The following RCAN2 variants were observed in gnomAD, a reference collection of about 807,000 sequenced individuals.
RCAN2 encodes the protein regulator of calcineurin 2, also known as calcipressin-2.
A neutral mutation model predicts 23.6 loss-of-function variants in RCAN2; 9 were observed. The ratio of observed to expected loss-of-function variants is 0.38; its 90% CI spans 0.23 to 0.67. RCAN2 has a LOEUF of 0.67. RCAN2 is among the 30% of genes least tolerant of loss of function. The pLI is 0.51. For synonymous variants in RCAN2, 109 were observed against 115.7 expected (o/e 0.94, Z 0.37); for missense variants, 273 against 302.3 (o/e 0.90, Z 0.72).
intron 2 of RCAN2, among the ~76,000 whole-genome samples, chr6:46,336,634 A>G (rs781122898): frequency 7.2e-5 from 11 of 152,226 alleles, no homozygotes; most frequent in Non-Finnish European, 1.2e-4. Context: ...ATGGCCGCAT[A>G]GCTGAGGACT....
intron 2 of RCAN2, among the ~76,000 whole-genome samples, chr6:46,302,865 G>T (rs1337495190): frequency 6.6e-6 from 1 of 152,010 alleles, no homozygotes; most frequent in African/African-American, 2.4e-5. Flanking sequence ...TTTTATGGAT[G>T]ATAAAATTGA....
At chr6:46,366,469 T>C (rs1765174824) in intron 2 of RCAN2, among the ~76,000 whole-genome samples, 1 of 152,108 alleles carries the variant, frequency 6.6e-6, no homozygotes, top group African/African-American at 2.4e-5. Context: ...GTGACAAGGA[T>C]TCTCTCCTTG....
chr6:46,456,717 T>C (rs1461913186), intron 2 of RCAN2, 35 bp downstream of exon 2: 1 of 1,409,954 alleles, frequency 7.1e-7, no homozygotes, highest in Non-Finnish European at 9.8e-7. Flanking sequence ...ATGCCATATC[T>C]CCCCATGTTT....
chr6:46,423,569 G>T (rs1038406590), intron 2 of RCAN2, among the ~76,000 whole-genome samples: 3 of 152,036 alleles, frequency 2.0e-5, no homozygotes, highest in African/African-American at 7.3e-5. Context: ...CAATACTCAG[G>T]GTTTCACCTT....
Position 46,456,843 on chromosome 6 carries a change from G to T in RCAN2, c.134C>A (p.Ala45Asp), listed in dbSNP as rs866271669. Residue 45 changes from alanine to aspartate, a missense_variant, in exon 2 of 5, where the codon GCC becomes GAC. Ala to Asp is a moderately radical substitution (Grantham distance 126). Transcript: ENST00000371374. ...ATTGAAGTCAGTGATTGCTTGAAAG[G>T]CTTCTTCTGCAAAACAACGAGTGAC... is the stretch of plus-strand genomic sequence containing the variant. ...WAVTRCFAEE[A>D]FQAITDFNDL... 32 of 1,550,556 alleles carry T rather than the reference G, an allele frequency of 2.1e-5. No individual in the cohort carries two copies. Among genetic ancestry groups the T allele is most frequent in the Non-Finnish European group, 2.7e-5 (31 of 1,146,962 alleles).
intron 2 of RCAN2, among the ~76,000 whole-genome samples, chr6:46,372,621 T>C (rs566732818): frequency 5.9e-5 from 9 of 152,344 alleles, no homozygotes; most frequent in Non-Finnish European, 1.3e-4. Flanking sequence ...TATAAATTGC[T>C]AAGTGCTCAG....
intron 2 of RCAN2, among the ~76,000 whole-genome samples, chr6:46,400,465 G>T (rs1265074313): frequency 6.6e-6 from 1 of 152,062 alleles, no homozygotes; most frequent in African/African-American, 2.4e-5. Context: ...CCTTCCCCAG[G>T]ATCTGGCTAG....
intron 2 of RCAN2, among the ~76,000 whole-genome samples, chr6:46,384,219 G>A (rs753731115): frequency 2.6e-5 from 4 of 152,102 alleles, no homozygotes; most frequent in African/African-American, 4.8e-5. Flanking sequence ...CATCTGCTTC[G>A]CCATTGCCTG....
intron 2 of RCAN2, among the ~76,000 whole-genome samples, chr6:46,292,450 G>A (rs1331220897): frequency 6.0e-5 from 4 of 66,198 alleles, no homozygotes; most frequent in African/African-American, 2.2e-4. Flanking sequence ...TTTTTTTTTT[G>A]GTGGGGGGGT....
rs1390199419 is a variant in RCAN2 at position 46,291,893 on chromosome 6, G to A, written c.226-42997C>T. Among the ~76,000 whole-genome samples the A allele has an allele frequency of 3.3e-5, 5 of 152,156 alleles. 1 individual carries two copies. Among genetic ancestry groups the A allele is most frequent in the Admixed American group, 2.6e-4 (4 of 15,278 alleles). On this transcript the variant is annotated intron_variant, in intron 2 of 4. Transcript: ENST00000371374. ...GTACGTGGAATTTGAGGTGGTAAAT[G>A]ATGTTTTAAGCAGACAGAACAGCAC...
chr6:46,379,346 C>T (rs992889484), intron 2 of RCAN2, among the ~76,000 whole-genome samples: 3 of 152,062 alleles, frequency 2.0e-5, no homozygotes, highest in African/African-American at 7.2e-5. Context: ...TCCTGCATCA[C>T]CCAGGAGAGA....
chr6:46,473,191 T>G (rs1768617172), intron 1 of RCAN2, among the ~76,000 whole-genome samples: 1 of 152,202 alleles, frequency 6.6e-6, no homozygotes, highest in African/African-American at 2.4e-5. Flanking sequence ...TCTTATTAAT[T>G]TGCAAACTCT....
At chr6:46,418,695 G>GTGTA (rs1299386089) in intron 2 of RCAN2, among the ~76,000 whole-genome samples, 17 of 121,350 alleles carry the variant, frequency 1.4e-4, no homozygotes, top group Admixed American at 5.9e-4. Context: ...ATGTGTGTGT[G>GTGTA]TATATATATA....
At chr6:46,368,649 G>C (rs1386775638) in intron 2 of RCAN2, among the ~76,000 whole-genome samples, 1 of 151,994 alleles carries the variant, frequency 6.6e-6, no homozygotes, top group Non-Finnish European at 1.5e-5. Flanking sequence ...ACACATTTTT[G>C]TATGTAAACA....
intron 2 of RCAN2, among the ~76,000 whole-genome samples, chr6:46,417,487 C>A (rs1766745539): frequency 6.6e-6 from 1 of 152,090 alleles, no homozygotes; most frequent in African/African-American, 2.4e-5. Context: ...TTTTAAAAAA[C>A]CAAGAAAGGG....
chr6:46,248,664 T>C (rs546359032), intron 3 of RCAN2, 59 bp downstream of exon 3: 946 of 1,376,908 alleles, frequency 6.9e-4, no homozygotes, highest in Non-Finnish European at 7.4e-4. Flanking sequence ...ATTTACATTT[T>C]AAAATGGTAA....
chr6:46,261,432 C>G (rs1206203002), intron 2 of RCAN2, among the ~76,000 whole-genome samples: 1 of 152,098 alleles, frequency 6.6e-6, no homozygotes, highest in Non-Finnish European at 1.5e-5. Context: ...GGTATCCTGG[C>G]TGTTAAGTAA....
intron 2 of RCAN2, among the ~76,000 whole-genome samples, chr6:46,336,416 T>C (rs570371065): frequency 2.6e-5 from 4 of 152,206 alleles, no homozygotes; most frequent in African/African-American, 7.2e-5. Context: ...CTTAAAGATA[T>C]GAAAGGTCTC....
At chr6:46,365,801 A>G (rs560960801) in intron 2 of RCAN2, among the ~76,000 whole-genome samples, 35 of 152,224 alleles carry the variant, frequency 2.3e-4, no homozygotes, top group Non-Finnish European at 3.5e-4. Context: ...TGAGCAAACA[A>G]TTAATTGACT....
Sources: allele counts gnomAD v4.1 joint callset (sites outside exome capture counted in the v4.1 genomes callset), GRCh38; gene constraint gnomAD v4.1.1; transcripts MANE v1.5; gene names NCBI Gene and HGNC (gene_info 2026-07-23, HGNC 2026-07-21).